FSHR: variants seen among roughly 807,000 people sequenced by gnomAD.
The protein encoded by FSHR is follicle-stimulating hormone receptor.
A neutral mutation model predicts 52.1 loss-of-function variants in FSHR; 46 were observed. That is an observed-to-expected ratio of 0.88 (90% CI 0.70 to 1.13). FSHR has a LOEUF of 1.13. FSHR is among the 50% of genes most tolerant of loss of function. The pLI is 0.00. For missense variants in FSHR, 964 were observed against 834.6 expected (o/e 1.16, Z -1.91); for synonymous variants, 399 against 309.6 (o/e 1.29, Z -3.03).
chr2:49,104,567 G>A (rs951275544), intron 1 of FSHR, among the ~76,000 whole-genome samples: 1 of 152,280 alleles, frequency 6.6e-6, no homozygotes, highest in East Asian at 1.9e-4. Flanking sequence ...ATTCTTGACA[G>A]AATCAGGTTG....
At chr2:48,979,782 C>T (rs772588599) in intron 8 of FSHR, among the ~76,000 whole-genome samples, 16 of 151,820 alleles carry the variant, frequency 1.1e-4, no homozygotes, top group African/African-American at 2.4e-4. Flanking sequence ...GTAAACCTCC[C>T]GCATGCAGAT....
chr2:49,138,659 G>C (rs951234223), intron 1 of FSHR, among the ~76,000 whole-genome samples: 1 of 152,206 alleles, frequency 6.6e-6, no homozygotes, highest in Non-Finnish European at 1.5e-5. Context: ...GAAATCTATA[G>C]AGACAGAAAG....
chr2:49,029,158 T>G (rs1041460487), intron 2 of FSHR, among the ~76,000 whole-genome samples: 2 of 152,202 alleles, frequency 1.3e-5, no homozygotes, highest in African/African-American at 4.8e-5. Context: ...CAAAACGAAA[T>G]CTATATTTGA....
At position 48,968,745 on chromosome 2, in the gene FSHR, G is replaced by A. The variant is rs1674594290; in HGVS notation, c.807C>T (p.Leu269=). ...AGGCACAGCAATGGCTGGGATAGGT[G>A]AGGCTGGCTTCCATGAGGGCGACAA... ...EKLVALMEAS[L]TYPSHCCAFA... Residue 269 remains leucine, a synonymous_variant, in exon 9 of 10, where the codon CTC becomes CTT. Coordinates refer to ENST00000406846, the MANE Select transcript of FSHR (RefSeq NM_000145.4). 3 of 1,614,044 alleles carry A rather than the reference G, an allele frequency of 1.9e-6. No individual in the cohort carries two copies. The highest frequency in any genetic ancestry group is 2.7e-5 in the African/African-American group (2 of 74,936).
chr2:49,037,681 G>A (rs1668316491), intron 2 of FSHR, among the ~76,000 whole-genome samples: 1 of 152,006 alleles, frequency 6.6e-6, no homozygotes, highest in South Asian at 2.1e-4. Context: ...TAATAGAATA[G>A]CTATAAACAA....
Position 49,154,496 on chromosome 2 carries a change from G to A in FSHR, c.-79C>T. 2.7e-6 allele frequency: 4 copies of A among 1,457,680 alleles called. No homozygotes were observed. The highest frequency in any genetic ancestry group is 3.8e-6 in the Non-Finnish European group (4 of 1,044,242). The allele number at this position is 1,457,680 out of a possible 1,614,324, so 90.3% of individuals were successfully genotyped here. A position where few individuals can be genotyped will look rare whatever the true frequency, so the allele number is the denominator to read the frequency against. On this transcript the variant is annotated 5_prime_UTR_variant, in exon 1 of 10. Transcript: ENST00000406846. ...ACAGATCTCAGAAGCTCCACACAGT[G>A]CCCTTATGAGAAGAGATCTGACTTG...
At chr2:49,133,338 A>C (rs1279508959) in intron 1 of FSHR, among the ~76,000 whole-genome samples, 1 of 152,184 alleles carries the variant, frequency 6.6e-6, no homozygotes, top group East Asian at 1.9e-4. Context: ...TGAGGCAGTG[A>C]ATCCATGTCA....
intron 6 of FSHR, among the ~76,000 whole-genome samples, chr2:48,984,863 A>G (rs1675417831): frequency 6.6e-6 from 1 of 152,238 alleles, no homozygotes; most frequent in African/African-American, 2.4e-5. Flanking sequence ...TAATTATTGT[A>G]TTCAAATATC....
At chr2:49,012,049 C>G (rs146493274) in intron 4 of FSHR, among the ~76,000 whole-genome samples, 23 of 152,118 alleles carry the variant, frequency 1.5e-4, no homozygotes, top group African/African-American at 4.8e-4. Flanking sequence ...TAACAGGCAT[C>G]ATAAGGAGGT....
chr2:49,118,490 C>T (rs1428557947), intron 1 of FSHR, among the ~76,000 whole-genome samples: 1 of 152,102 alleles, frequency 6.6e-6, no homozygotes, highest in East Asian at 1.9e-4. Context: ...GAAGTGGCTT[C>T]ATGTGAGACA....
intron 1 of FSHR, among the ~76,000 whole-genome samples, chr2:49,142,903 G>C (rs984819370): frequency 6.6e-6 from 1 of 152,152 alleles, no homozygotes; most frequent in African/African-American, 2.4e-5. Flanking sequence ...TGAAGGCTGG[G>C]AGAAGAGATT....
At chr2:49,121,679 G>A (rs1671821462) in intron 1 of FSHR, among the ~76,000 whole-genome samples, 1 of 152,206 alleles carries the variant, frequency 6.6e-6, no homozygotes, top group Admixed American at 6.5e-5. Flanking sequence ...TATATAGACA[G>A]CAGCTCAAGG....
chr2:49,059,109 G>A (rs1035533928), intron 2 of FSHR, among the ~76,000 whole-genome samples: 1 of 152,030 alleles, frequency 6.6e-6, no homozygotes, highest in Non-Finnish European at 1.5e-5. Context: ...GGAGGCTAAG[G>A]TAGGAAGATT....
At chr2:49,077,004 A>C (rs1669975090) in intron 1 of FSHR, among the ~76,000 whole-genome samples, 1 of 152,044 alleles carries the variant, frequency 6.6e-6, no homozygotes, top group Non-Finnish European at 1.5e-5. Flanking sequence ...CACATGGTGC[A>C]AACTGTCGGT....
intron 1 of FSHR, among the ~76,000 whole-genome samples, chr2:49,131,178 T>A (rs1672249357): frequency 6.6e-6 from 1 of 152,222 alleles, no homozygotes; most frequent in Non-Finnish European, 1.5e-5. Context: ...TAATATTTAT[T>A]ATTTATACTC....
chr2:49,150,340 T>G (rs1673016730), intron 1 of FSHR, among the ~76,000 whole-genome samples: 1 of 148,084 alleles, frequency 6.8e-6, no homozygotes, highest in East Asian at 1.9e-4. Context: ...TACCTCAGAG[T>G]TATAAAGATC....
intron 1 of FSHR, among the ~76,000 whole-genome samples, chr2:49,073,743 C>G (rs1180863704): frequency 6.6e-6 from 1 of 151,892 alleles, no homozygotes; most frequent in Admixed American, 6.6e-5. Flanking sequence ...GCATTCTAAG[C>G]AAAAAGAACA....
rs144919925 is a variant in FSHR at position 48,970,563 on chromosome 2, C to G, written c.669-1680G>C. On this transcript the variant is annotated intron_variant, in intron 8 of 9. Coordinates refer to ENST00000406846, the MANE Select transcript of FSHR (RefSeq NM_000145.4). ...TTTAAATATTAGTATATCTTTATAC[C>G]TAGACCCCTTCTGACTATACCCAAT... Among the ~76,000 whole-genome samples, 474 of 152,130 alleles carry G rather than the reference C, an allele frequency of 3.1e-3. 6 individuals carry two copies. The highest frequency in any genetic ancestry group is 0.011 in the African/African-American group (459 of 41,500).
chr2:49,136,962 T>C (rs1049804349), intron 1 of FSHR, among the ~76,000 whole-genome samples: 4 of 152,116 alleles, frequency 2.6e-5, no homozygotes, highest in Non-Finnish European at 5.9e-5. Context: ...AAGACAACGA[T>C]GTGCACTCCC....
Sources: allele counts gnomAD v4.1 joint callset (sites outside exome capture counted in the v4.1 genomes callset), GRCh38; gene constraint gnomAD v4.1.1; transcripts MANE v1.5; gene names NCBI Gene and HGNC (gene_info 2026-07-23, HGNC 2026-07-21).